The following SLC22A3 variants were observed in gnomAD, a reference collection of about 807,000 sequenced individuals.
SLC22A3 encodes the protein EMT organic cation transporter 3.
A neutral mutation model predicts 59.1 loss-of-function variants in SLC22A3; 51 were observed. That is an observed-to-expected ratio of 0.86 (90% confidence interval 0.69 to 1.09). The LOEUF is 1.09. SLC22A3 is among the 50% of genes least tolerant of loss of function. The pLI, the probability that SLC22A3 is intolerant of heterozygous loss-of-function variation, is 0.00. For missense variants in SLC22A3, 711 were observed against 726.3 expected (o/e 0.98, Z 0.24); for synonymous variants, 325 against 292.0 (o/e 1.11, Z -1.15).
chr6:160,386,397 G>T (rs1786016927), intron 1 of SLC22A3, among the ~76,000 whole-genome samples: 1 of 152,248 alleles, frequency 6.6e-6, no homozygotes, highest in African/African-American at 2.4e-5. Flanking sequence ...TTCAAGTGCA[G>T]TTCTTGGTTT....
At chr6:160,381,640 A>C (rs894874963) in intron 1 of SLC22A3, among the ~76,000 whole-genome samples, 17 of 152,342 alleles carry the variant, frequency 1.1e-4, no homozygotes, top group Admixed American at 8.5e-4. Context: ...CGTTGATTTT[A>C]TTTTCATAAA....
intron 5 of SLC22A3, among the ~76,000 whole-genome samples, chr6:160,435,402 G>A (rs553825834): frequency 6.6e-6 from 1 of 152,332 alleles, no homozygotes; most frequent in Admixed American, 6.5e-5. Flanking sequence ...ATTAAGAGAT[G>A]TTAAAATGTA....
In SLC22A3 at chr6:160,410,763, C is replaced by A; in HGVS notation, c.892C>A (p.Arg298=). 6.2e-7 allele frequency: 1 copy of A among 1,613,092 alleles called. No homozygotes were observed. The highest frequency in any genetic ancestry group is 8.5e-7 in the Non-Finnish European group (1 of 1,179,366). ...TGAGTCTCCCCGTTGGCTGATTACT[C>A]GGAAGAAAGGAGATAAAGCATTACA... is the stretch of plus-strand genomic sequence containing the variant. ...VPESPRWLIT[R]KKGDKALQIL... is the part of the protein sequence containing the mutation. The change falls in exon 5 of 11, where the codon CGG becomes AGG. Residue 298 remains arginine, a synonymous_variant. Coordinates refer to ENST00000275300, the MANE Select transcript of SLC22A3 (RefSeq NM_021977.4).
intron 4 of SLC22A3, 83 bp from the exon 5 acceptor site, chr6:160,410,646 A>G: frequency 1.2e-6 from 1 of 857,710 alleles, no homozygotes. Context: ...TGCAAGATCC[A>G]TTTTGATAGA....
At chr6:160,433,098 T>A (rs1323065216) in intron 5 of SLC22A3, among the ~76,000 whole-genome samples, 1 of 152,212 alleles carries the variant, frequency 6.6e-6, no homozygotes, top group Non-Finnish European at 1.5e-5. Context: ...CACACTACGA[T>A]GGTAAAGGTA....
At chr6:160,366,493 A>G (rs1475189556) in intron 1 of SLC22A3, among the ~76,000 whole-genome samples, 1 of 152,112 alleles carries the variant, frequency 6.6e-6, no homozygotes, top group Non-Finnish European at 1.5e-5. Context: ...TGGCTTTTCT[A>G]GGCACACGGT....
chr6:160,421,410 A>T (rs1011066314), intron 5 of SLC22A3, among the ~76,000 whole-genome samples: 9 of 152,194 alleles, frequency 5.9e-5, no homozygotes, highest in African/African-American at 2.2e-4. Context: ...GCGACATGAC[A>T]TTGGCAACTG....
At chr6:160,391,247 G>A (rs1786245349) in intron 1 of SLC22A3, among the ~76,000 whole-genome samples, 1 of 152,118 alleles carries the variant, frequency 6.6e-6, no homozygotes, top group African/African-American at 2.4e-5. Flanking sequence ...CTTCCAGCAG[G>A]TAAATAGTTG....
At chr6:160,420,459 G>A (rs541644640) in intron 5 of SLC22A3, among the ~76,000 whole-genome samples, 7 of 152,230 alleles carry the variant, frequency 4.6e-5, no homozygotes, top group East Asian at 1.9e-4. Context: ...AAAACTATTC[G>A]TCAGAACTGG....
intron 5 of SLC22A3, among the ~76,000 whole-genome samples, chr6:160,424,588 A>G (rs1787879795): frequency 6.6e-6 from 1 of 152,092 alleles, no homozygotes; most frequent in Admixed American, 6.6e-5. Context: ...AATACACTTG[A>G]GTTCATTATA....
chr6:160,373,543 A>T (rs144704056), intron 1 of SLC22A3, among the ~76,000 whole-genome samples: 546 of 152,272 alleles, frequency 3.6e-3, no homozygotes, highest in African/African-American at 0.012. Context: ...CTGTGCTGGG[A>T]GATCTGCTGC....
At chr6:160,355,479 C>A (rs1050963060) in intron 1 of SLC22A3, among the ~76,000 whole-genome samples, 1 of 151,972 alleles carries the variant, frequency 6.6e-6, no homozygotes, top group South Asian at 2.1e-4. Flanking sequence ...TGTCTTTCCT[C>A]GGCCGGGCAC....
intron 1 of SLC22A3, among the ~76,000 whole-genome samples, chr6:160,357,780 G>T (rs536181485): frequency 6.6e-6 from 1 of 152,280 alleles, no homozygotes; most frequent in South Asian, 2.1e-4. Context: ...GATTAATTTG[G>T]CATCAACTTT....
chr6:160,360,819 G>A (rs1784988826), intron 1 of SLC22A3, among the ~76,000 whole-genome samples: 1 of 152,050 alleles, frequency 6.6e-6, no homozygotes, highest in South Asian at 2.1e-4. Context: ...TTGACTTGGT[G>A]ACAAGATATA....
intron 1 of SLC22A3, among the ~76,000 whole-genome samples, chr6:160,389,077 TTAGA>T (rs962109313): frequency 2.0e-4 from 31 of 152,148 alleles, no homozygotes; most frequent in African/African-American, 6.7e-4. Flanking sequence ...GGTGAATGTA[TTAGA>T]TAGTCACTGG....
chr6:160,405,583 C>G (rs935319132), intron 2 of SLC22A3, among the ~76,000 whole-genome samples: 4 of 152,040 alleles, frequency 2.6e-5, no homozygotes, highest in African/African-American at 9.7e-5. Context: ...AATTCCAACC[C>G]AAAAAAGTTG....
rs2114939241 is a variant in SLC22A3, at chr6:160,452,397, T to A, written c.*1341T>A. The A allele has an allele frequency of 6.6e-6, 1 of 152,326 alleles. No individual in the cohort carries two copies. The highest frequency in any genetic ancestry group is 2.1e-4 in the South Asian group (1 of 4,832). 9.4% of individuals were successfully genotyped at this position (152,326 alleles called of 1,614,324 possible). ...CAGAATTGAATACGAATAATCTATTTGTCGATGAAATAAACACAACTCTTT... is the reference window on the plus strand; with the variant it reads ...CAGAATTGAATACGAATAATCTATTAGTCGATGAAATAAACACAACTCTTT... On this transcript the variant is annotated 3_prime_UTR_variant, in exon 11 of 11. Transcript: ENST00000275300.
intron 2 of SLC22A3, among the ~76,000 whole-genome samples, chr6:160,403,725 A>G (rs1202855951): frequency 1.3e-5 from 2 of 151,896 alleles, no homozygotes; most frequent in East Asian, 3.9e-4. Flanking sequence ...CCAAGTGCGT[A>G]GTATCCCAAG....
chr6:160,425,599 A>G (rs1402285476), intron 5 of SLC22A3, among the ~76,000 whole-genome samples: 1 of 152,094 alleles, frequency 6.6e-6, no homozygotes, highest in Non-Finnish European at 1.5e-5. Context: ...TCATCATATA[A>G]ATATGCACAA....
Sources: allele counts gnomAD v4.1 joint callset (sites outside exome capture counted in the v4.1 genomes callset), GRCh38; gene constraint gnomAD v4.1.1; transcripts MANE v1.5; gene names NCBI Gene and HGNC (gene_info 2026-07-23, HGNC 2026-07-21).